Variants in LITAF observed in about 807,000 individuals in gnomAD.
The protein encoded by LITAF is lipopolysaccharide-induced tumor necrosis factor-alpha factor.
A neutral mutation model predicts 14.5 loss-of-function variants in LITAF; 9 were observed. The observed-to-expected ratio is 0.62, with a 90% confidence interval of 0.37 to 1.08. LITAF has a LOEUF of 1.08. Ranked by LOEUF, LITAF falls within the 50% of genes least tolerant of loss-of-function variation. The probability of loss-of-function intolerance (pLI) is 0.01; values close to 1 mark genes in which losing one functional copy is unlikely to be tolerated. For synonymous variants in LITAF, 98 were observed against 88.2 expected, an observed-to-expected ratio of 1.11 and a Z score of -0.62; for missense variants, 206 against 213.4, an observed-to-expected ratio of 0.97 and a Z score of 0.22.
intron 1 of LITAF, among the ~76,000 whole-genome samples, chr16:11,565,203 C>G (rs1339797435): frequency 6.6e-6 from 1 of 151,718 alleles, no homozygotes; most frequent in Non-Finnish European, 1.5e-5. Context: ...CTGCCTCAGC[C>G]TCCCTAATAG....
intron 3 of LITAF, among the ~76,000 whole-genome samples, chr16:11,623,207 T>G (rs8055713): frequency 6.6e-6 from 1 of 151,116 alleles, no homozygotes; most frequent in Non-Finnish European, 1.5e-5. Flanking sequence ...GTGATCCACC[T>G]GCCTCAGCCT....
chr16:11,553,522 G>C lies in LITAF; in HGVS notation c.377+11C>G. 6.2e-7 allele frequency: 1 copy of C among 1,613,788 alleles called. No homozygotes were observed. The highest frequency in any genetic ancestry group is 8.5e-7 in the Non-Finnish European group (1 of 1,179,948). On this transcript the variant is annotated intron_variant, in intron 3 of 3. Coordinates refer to ENST00000622633, the MANE Select transcript of LITAF (RefSeq NM_001136472.2). This position sits in a 1 kb window ranked among gnomAD's most constrained non-coding sequence, Gnocchi z 7.7. ...CAGGATGGCTTGGGGCCAAGTGGGA[G>C]GCAGACTCACCCCAGCAGGCACAGG...
chr16:11,568,288 GAAAAAAA>G (rs35115784), intron 1 of LITAF, among the ~76,000 whole-genome samples: 1 of 115,802 alleles, frequency 8.6e-6, no homozygotes, highest in Non-Finnish European at 1.8e-5. Context: ...ACCCTGTCTC[GAAAAAAA>G]AAAAAAAAGA....
At chr16:11,638,716 A>C (rs1193936751), upstream of LITAF, among the ~76,000 whole-genome samples, 3 of 54,208 alleles carry the variant, frequency 5.5e-5, no homozygotes, top group Non-Finnish European at 9.1e-5. Context: ...AAAAAAAAAA[A>C]AAAAAAAAAA....
rs2065023706 is a variant in LITAF, at chr16:11,617,091, A to G, written c.85+16442T>C. On this transcript the variant is annotated intron_variant, in intron 3 of 3. Transcript: ENST00000574848. ...AAAAATTTGCCAGGCGTGGTGGTGC[A>G]AGCCTGTGGTCCCAGCTACTTGAGA... Among the ~76,000 whole-genome samples, 3 of 151,854 alleles carry G rather than the reference A, an allele frequency of 2.0e-5. No individual in the cohort carries two copies. The South Asian group carries it at 6.3e-4, about 32-fold the overall frequency.
In LITAF at chr16:11,572,299, C is replaced by T. The variant is rs953238584; in HGVS notation, c.-6+14587G>A. 2.0e-5 allele frequency among the ~76,000 whole-genome samples: 3 copies of T among 151,730 alleles called. No homozygotes were observed. The East Asian group carries it at 5.8e-4, about 29-fold the overall frequency. On this transcript the variant is annotated intron_variant, in intron 1 of 3. Transcript: ENST00000622633. Reference sequence around the variant, plus strand: ...GTTCCCCCCACCCCTCAACCTCAAACGCATCAAGCTGACCACAGCCCTCCC... The same window carrying T: ...GTTCCCCCCACCCCTCAACCTCAAATGCATCAAGCTGACCACAGCCCTCCC...
chr16:11,592,220 C>T (rs570449936), upstream of LITAF, among the ~76,000 whole-genome samples: 1 of 152,060 alleles, frequency 6.6e-6, no homozygotes, highest in African/African-American at 2.4e-5. Context: ...GTCTAGTATC[C>T]AGATTATATA....
At chr16:11,639,220 G>C (rs2065154658), upstream of LITAF, among the ~76,000 whole-genome samples, 1 of 152,208 alleles carries the variant, frequency 6.6e-6, no homozygotes, top group African/African-American at 2.4e-5. Flanking sequence ...TGAATGGTTA[G>C]AGGGAGAGAG....
At chr16:11,559,595 T>G (rs1055596782) in intron 1 of LITAF, among the ~76,000 whole-genome samples, 1 of 152,026 alleles carries the variant, frequency 6.6e-6, no homozygotes, top group Non-Finnish European at 1.5e-5. Context: ...GTAAAATATC[T>G]CATTAATAAT....
At chr16:11,613,026 A>AT (rs371049299) in intron 3 of LITAF, among the ~76,000 whole-genome samples, 3 of 151,328 alleles carry the variant, frequency 2.0e-5, no homozygotes, top group Non-Finnish European at 2.9e-5. Flanking sequence ...TTTTCTTTGG[A>AT]TTTTTTTTTA....
rs1433144849 is a variant in LITAF, at chr16:11,556,627, G to A, written c.104C>T (p.Thr35Ile). 1 of 1,614,232 alleles carries A rather than the reference G, an allele frequency of 6.2e-7. No individual in the cohort carries two copies. Among genetic ancestry groups the A allele is most frequent in the South Asian group, 1.1e-5 (1 of 91,090 alleles). ...TGGCCCAGGCATGGGAGCTGGAGGT[G>A]TGGGGTAATAACTGTTAACAGCCAC... ...ETVAVNSYYPTPPAPMPGPTT... is the reference protein window; with the variant it reads ...ETVAVNSYYPIPPAPMPGPTT... Residue 35 changes from threonine (T) to isoleucine (I), a missense_variant, in exon 2 of 4, where the codon ACA (threonine) becomes ATA (isoleucine). Thr to Ile is a moderately conservative substitution (Grantham distance 89). Coordinates refer to ENST00000622633, the MANE Select transcript of LITAF (RefSeq NM_001136472.2).
chr16:11,600,441 G>C (rs558472417), upstream of LITAF, among the ~76,000 whole-genome samples: 2 of 152,346 alleles, frequency 1.3e-5, no homozygotes, highest in African/African-American at 4.8e-5. This position sits in a 1 kb window ranked among gnomAD's most constrained non-coding sequence, Gnocchi z 4.1. Flanking sequence ...CAAATGCCTA[G>C]GCAGATGGGC....
intron 1 of LITAF, among the ~76,000 whole-genome samples, chr16:11,594,683 G>A (rs535427705): frequency 1.5e-4 from 23 of 151,928 alleles, no homozygotes; most frequent in Admixed American, 7.9e-4. Flanking sequence ...TGAGACCAGC[G>A]TGGTCAGCAT....
chr16:11,637,928 ATATC>A (rs1364155082), upstream of LITAF, among the ~76,000 whole-genome samples: 3 of 92,136 alleles, frequency 3.3e-5, no homozygotes, highest in African/African-American at 5.7e-5. Flanking sequence ...ATCTATATCT[ATATC>A]TATATCTATA....
intron 1 of LITAF, among the ~76,000 whole-genome samples, chr16:11,583,039 G>C (rs930883351): frequency 1.3e-5 from 2 of 152,200 alleles, no homozygotes; most frequent in Non-Finnish European, 2.9e-5. Context: ...GTAGACAAAA[G>C]GGGAAACCCG....
chr16:11,576,607 A>G (rs2064640680), intron 1 of LITAF, among the ~76,000 whole-genome samples: 2 of 148,920 alleles, frequency 1.3e-5, no homozygotes, highest in South Asian at 4.3e-4. Flanking sequence ...TTGTGTCCAC[A>G]TCTGTGGTTC....
At chr16:11,555,354 G>T (rs1047761522) in intron 2 of LITAF, among the ~76,000 whole-genome samples, 2 of 152,136 alleles carry the variant, frequency 1.3e-5, no homozygotes, top group Non-Finnish European at 2.9e-5. Context: ...GTGTTTTTGG[G>T]GTTCAAGAAT....
chr16:11,602,625 G>T (rs1396763705), upstream of LITAF, among the ~76,000 whole-genome samples: 1 of 152,082 alleles, frequency 6.6e-6, no homozygotes, highest in Non-Finnish European at 1.5e-5. Context: ...GTAATTGAAT[G>T]GAATGGAATA....
At chr16:11,610,209 C>G (rs2064975126) in intron 3 of LITAF, among the ~76,000 whole-genome samples, 1 of 152,252 alleles carries the variant, frequency 6.6e-6, no homozygotes, top group Non-Finnish European at 1.5e-5. Context: ...AATGGCCCCT[C>G]AGAAACCTGT....
Sources: allele counts gnomAD v4.1 joint callset (sites outside exome capture counted in the v4.1 genomes callset), GRCh38; gene constraint gnomAD v4.1.1; non-coding constraint Gnocchi (gnomAD v3.1); transcripts MANE v1.5; gene names NCBI Gene and HGNC (gene_info 2026-07-23, HGNC 2026-07-21).